Variants in WASHC2C observed in about 807,000 individuals in gnomAD.
The protein encoded by WASHC2C is Vaccinia Penetration Factor.
In WASHC2C, 73 loss-of-function variants were observed where a neutral mutation model predicts 142.2. That is an observed-to-expected ratio of 0.51 (90% CI 0.43 to 0.62). WASHC2C has a LOEUF of 0.62. Ranked by LOEUF, WASHC2C falls within the 20% of genes least tolerant of loss-of-function variation. The pLI is 0.00. For synonymous variants in WASHC2C, 337 were observed against 565.5 expected (o/e 0.60, Z 5.73); for missense variants, 969 against 1,531.7 (o/e 0.63, Z 6.13).
At chr10:45,791,167 T>C (rs1287837156) in intron 30 of WASHC2C, among the ~76,000 whole-genome samples, 14 of 152,140 alleles carry the variant, frequency 9.2e-5, no homozygotes, top group Non-Finnish European at 2.1e-4. Context: ...CCCCCGTCAA[T>C]CTAGACCTTT....
intron 20 of WASHC2C, among the ~76,000 whole-genome samples, chr10:45,772,408 G>A (rs2056680393): frequency 6.8e-6 from 1 of 147,036 alleles, no homozygotes; most frequent in Non-Finnish European, 1.5e-5. Context: ...AACCATTGAA[G>A]TGTACGCACT....
chr10:45,732,050 C>T (rs1377007787), intron 3 of WASHC2C, among the ~76,000 whole-genome samples: 1 of 152,102 alleles, frequency 6.6e-6, no homozygotes, highest in African/African-American at 2.4e-5. Flanking sequence ...CCCGCCTTGG[C>T]CTCCCAAAGT....
chr10:45,732,093 G>A (rs1486214197), intron 3 of WASHC2C, among the ~76,000 whole-genome samples: 1 of 152,108 alleles, frequency 6.6e-6, no homozygotes, highest in Non-Finnish European at 1.5e-5. Context: ...ACCATACCCG[G>A]CAATCTGGCT....
rs201894750 is a variant in WASHC2C, at chr10:45,776,321, T to C, written c.2143-952T>C. ...ATCTGTACTATACTATAATAGAGCT[T>C]TAGTTTTTTCTCAAGCACTTGTTGA... On this transcript the variant is annotated intron_variant, in intron 21 of 30. Coordinates refer to ENST00000623400, the MANE Select transcript of WASHC2C (RefSeq NM_001330074.2). Among the ~76,000 whole-genome samples, 66 of 152,404 alleles carry C rather than the reference T, an allele frequency of 4.3e-4. No individual in the cohort carries two copies. The East Asian group carries it at 0.012, about 28-fold the overall frequency.
intron 8 of WASHC2C, among the ~76,000 whole-genome samples, chr10:45,747,916 G>T (rs1431237546): frequency 1.4e-5 from 2 of 141,816 alleles, no homozygotes; most frequent in East Asian, 4.1e-4. Flanking sequence ...CCTTTGCTTC[G>T]GTGAACTGTT....
intron 14 of WASHC2C, 119 bp from the exon 15 acceptor site, chr10:45,754,817 T>C: frequency 7.5e-7 from 1 of 1,342,110 alleles, no homozygotes; most frequent in Non-Finnish European, 1.0e-6. Flanking sequence ...TTGGGCCCTG[T>C]TATGCATTTT....
At chr10:45,740,523 C>T (rs2051873799) in intron 5 of WASHC2C, among the ~76,000 whole-genome samples, 1 of 152,220 alleles carries the variant, frequency 6.6e-6, no homozygotes, top group Non-Finnish European at 1.5e-5. Context: ...AGGAGACATA[C>T]ATACGAATAA....
intron 13 of WASHC2C, among the ~76,000 whole-genome samples, chr10:45,753,927 C>T (rs1224827803): frequency 1.3e-5 from 2 of 151,368 alleles, no homozygotes; most frequent in African/African-American, 2.4e-5. Flanking sequence ...CCGAGTCTCC[C>T]GGGCGCAGGC....
At chr10:45,783,515 G>A (rs1398218416) in intron 23 of WASHC2C, among the ~76,000 whole-genome samples, 8 of 152,154 alleles carry the variant, frequency 5.3e-5, no homozygotes, top group Non-Finnish European at 2.9e-5. Context: ...AGGCTGGAGT[G>A]CAGTGGCATG....
At chr10:45,752,515 A>T (rs2134672380) in intron 11 of WASHC2C, 73 bp from the exon 12 acceptor site, 1 of 1,251,170 alleles carries the variant, frequency 8.0e-7, no homozygotes, top group Admixed American at 1.7e-5. Context: ...GACACAGCAG[A>T]TGCCAACCCG....
At chr10:45,747,271 G>T (rs1250119954) in intron 8 of WASHC2C, among the ~76,000 whole-genome samples, 2 of 152,098 alleles carry the variant, frequency 1.3e-5, no homozygotes, top group Admixed American at 6.5e-5. Context: ...CTCCCGAGTA[G>T]CTGGCATTAC....
At chr10:45,766,043 T>C (rs1238433603) in intron 19 of WASHC2C, among the ~76,000 whole-genome samples, 2 of 152,234 alleles carry the variant, frequency 1.3e-5, no homozygotes, top group Non-Finnish European at 2.9e-5. Context: ...TAGTGTATGC[T>C]CCTTCAAATG....
chr10:45,772,769 A>T (rs1335534362), intron 20 of WASHC2C, among the ~76,000 whole-genome samples: 1 of 152,168 alleles, frequency 6.6e-6, no homozygotes, highest in African/African-American at 2.4e-5. Flanking sequence ...ATTTTATGGA[A>T]TGTAAATTAT....
chr10:45,730,771 C>A lies in WASHC2C; in HGVS notation c.291+1745C>A, dbSNP rs565016992. Among the ~76,000 whole-genome samples, 1,087 of 152,056 alleles carry A rather than the reference C, an allele frequency of 7.1e-3. 22 individuals are homozygous for A. Among genetic ancestry groups the A allele is most frequent in the African/African-American group, 0.025 (1,037 of 41,400 alleles). On this transcript the variant is annotated intron_variant, in intron 3 of 30. Transcript: ENST00000623400. The stretch of plus-strand genomic sequence containing the variant: ...AGTAGCTGGGACTACAGGCGCGTGC[C>A]ACCACGCCTGGCTAATTTTTTGTAT...
At chr10:45,762,226 T>G (rs561725844) in intron 17 of WASHC2C, among the ~76,000 whole-genome samples, 6 of 152,108 alleles carry the variant, frequency 3.9e-5, no homozygotes, top group Admixed American at 1.3e-4. Flanking sequence ...TTTTTAGCTA[T>G]TTTGAGATGA....
intron 2 of WASHC2C, 74 bp downstream of exon 2, chr10:45,727,613 G>T: frequency 1.4e-6 from 2 of 1,468,324 alleles, no homozygotes; most frequent in Non-Finnish European, 1.8e-6. Context: ...GCCGGACCGC[G>T]ACTGCCCCTG....
chr10:45,737,769 T>A (rs74128816), intron 3 of WASHC2C, among the ~76,000 whole-genome samples: 47 of 121,992 alleles, frequency 3.9e-4, no homozygotes, highest in African/African-American at 8.8e-4. Flanking sequence ...TGTATTTAAA[T>A]TTTTTTTTTT....
At chr10:45,758,582 T>C (rs1238815120) in intron 16 of WASHC2C, among the ~76,000 whole-genome samples, 7 of 151,692 alleles carry the variant, frequency 4.6e-5, no homozygotes, top group Admixed American at 4.6e-4. Flanking sequence ...GTGTAGATGA[T>C]AATCCATTAC....
At chr10:45,783,207 T>C (rs1266315168) in intron 23 of WASHC2C, among the ~76,000 whole-genome samples, 1 of 151,430 alleles carries the variant, frequency 6.6e-6, no homozygotes, top group Non-Finnish European at 1.5e-5. Flanking sequence ...AAAAATGTTA[T>C]ATGAATTTTT....
Sources: gnomAD v4.1 joint callset for allele counts (sites outside exome capture counted in the v4.1 genomes callset) on GRCh38, gnomAD v4.1.1 for gene constraint, MANE v1.5 for transcripts, NCBI Gene and HGNC (gene_info 2026-07-23, HGNC 2026-07-21) for gene names.